The following ACKR2 variants were observed in gnomAD, a reference collection of about 807,000 sequenced individuals.
ACKR2 encodes C-C chemokine receptor D6.
For missense variants in ACKR2, 457 were observed against 477.3 expected (o/e 0.96, Z 0.40); for synonymous variants, 207 against 192.2 (o/e 1.08, Z -0.64).
At position 42,810,311 on chromosome 3, in the gene ACKR2, G is replaced by T. The variant is rs1366044; in HGVS notation, c.-119+779G>T. Reference sequence around the variant, plus strand: ...AACAAATTAACTTTTTGTTGAAATTGTTTAAAAAGACTGGGTGTATTGATA... The same window carrying T: ...AACAAATTAACTTTTTGTTGAAATTTTTTAAAAAGACTGGGTGTATTGATA... On this transcript the variant is annotated intron_variant, in intron 1 of 2. Transcript: ENST00000422265. 4.4e-3 allele frequency among the ~76,000 whole-genome samples: 665 copies of T among 152,210 alleles called. 6 individuals carry two copies. Among genetic ancestry groups the T allele is most frequent in the African/African-American group, 0.015 (625 of 41,540 alleles).
At chr3:42,864,022 T>A (rs539836378) in intron 2 of ACKR2, among the ~76,000 whole-genome samples, 7 of 152,256 alleles carry the variant, frequency 4.6e-5, no homozygotes, top group South Asian at 2.1e-4. Flanking sequence ...CAAAATTTTT[T>A]AAAAAAGCCC....
At position 42,859,231 on chromosome 3, in the gene ACKR2, C is replaced by CA. The variant is rs570663529; in HGVS notation, c.-37-5234dup. 2.4e-4 allele frequency among the ~76,000 whole-genome samples: 36 copies of CA among 152,234 alleles called. No homozygotes were observed. In the South Asian group the frequency reaches 7.1e-3, roughly 30 times the overall value. ...CCCCAAGATACATAATTTTCAGATT[C>CA]ACCAATGTTGAAATGAAGGAAAAAA... On this transcript the variant is annotated intron_variant, in intron 2 of 2. Transcript: ENST00000422265.
At chr3:42,848,176 A>C (rs1372903842) in intron 2 of ACKR2, among the ~76,000 whole-genome samples, 1 of 148,688 alleles carries the variant, frequency 6.7e-6, no homozygotes, top group Non-Finnish European at 1.5e-5. Flanking sequence ...TAATATAAAT[A>C]CTTAAGAAGA....
At position 42,852,261 on chromosome 3, in the gene ACKR2, T is replaced by A. The variant is rs1701168644; in HGVS notation, c.-37-12205T>A. On this transcript the variant is annotated intron_variant, in intron 2 of 2. Transcript: ENST00000422265. This position sits in a 1 kb window ranked among gnomAD's most constrained non-coding sequence, Gnocchi z 4.3. ...TTTCCTGGGGATAGTGGGGTTTCAT[T>A]TTCATGCTGAAATACACACGCAAGG... is the stretch of plus-strand genomic sequence containing the variant. The A allele has an allele frequency of 6.6e-6, 1 of 152,226 alleles. No individual in the cohort carries two copies. The highest frequency in any genetic ancestry group is 2.4e-5 in the African/African-American group (1 of 41,432). 9.4% of individuals were successfully genotyped at this position (152,226 alleles called of 1,614,324 possible). A position where few individuals can be genotyped will look rare whatever the true frequency, so the allele number is the denominator to read the frequency against.
At position 42,864,403 on chromosome 3, in the gene ACKR2, C is replaced by A. The variant is rs113992337; in HGVS notation, c.-37-63C>A. On this transcript the variant is annotated intron_variant, in intron 2 of 2. Transcript: ENST00000422265. ...GAGTCTATTGGACATCCCAGGGCAG[C>A]AGCAAAAGTGGGTTTAGAGAAAGGT... The A allele has an allele frequency of 1.0e-3, 1,480 of 1,439,746 alleles. 32 individuals are homozygous for A. In the East Asian group the frequency reaches 0.03, roughly 29 times the overall value. The allele number at this position is 1,439,746 out of a possible 1,614,324, so 89.2% of individuals were successfully genotyped here.
chr3:42,858,573 A>T (rs1292452111), intron 2 of ACKR2, among the ~76,000 whole-genome samples: 1 of 152,170 alleles, frequency 6.6e-6, no homozygotes, highest in Non-Finnish European at 1.5e-5. Flanking sequence ...AGGAAAAACC[A>T]GTGCAAAAAG....
chr3:42,836,854 T>C (rs1249428424), intron 2 of ACKR2, among the ~76,000 whole-genome samples: 1 of 152,218 alleles, frequency 6.6e-6, no homozygotes, highest in Non-Finnish European at 1.5e-5. Context: ...TACTGACTGC[T>C]GGACTCTTAA....
intron 2 of ACKR2, among the ~76,000 whole-genome samples, chr3:42,833,148 GC>G (rs1700947778): frequency 1.3e-5 from 2 of 152,316 alleles, no homozygotes; most frequent in African/African-American, 4.8e-5. Context: ...ACAGGCATGA[GC>G]TACTGTGCTT....
At chr3:42,831,807 G>C (rs994740307) in intron 2 of ACKR2, among the ~76,000 whole-genome samples, 2 of 152,104 alleles carry the variant, frequency 1.3e-5, no homozygotes, top group African/African-American at 2.4e-5. Context: ...AACTTTCCCT[G>C]TTCAACTTAC....
intron 2 of ACKR2, among the ~76,000 whole-genome samples, chr3:42,849,697 G>A (rs115443790): frequency 0.012 from 1,898 of 152,258 alleles, 18 homozygotes; most frequent in Non-Finnish European, 0.021. Context: ...ACAGCTTGGC[G>A]TTTGCCTTAT....
chr3:42,857,914 G>A (rs774329922), intron 2 of ACKR2, among the ~76,000 whole-genome samples: 6 of 152,196 alleles, frequency 3.9e-5, no homozygotes, highest in Admixed American at 2.0e-4. Context: ...TGGGAAGTTC[G>A]AACTGGGCAG....
At chr3:42,837,484 A>C (rs1331593906) in intron 2 of ACKR2, among the ~76,000 whole-genome samples, 2 of 152,042 alleles carry the variant, frequency 1.3e-5, no homozygotes, top group African/African-American at 4.8e-5. Context: ...AGCCTCCCAA[A>C]GTGTTGGGAT....
chr3:42,839,183 C>G (rs79713029), intron 2 of ACKR2: 14 of 152,038 alleles, frequency 9.2e-5, no homozygotes, highest in Non-Finnish European at 1.0e-4. Flanking sequence ...TCATCCTGGA[C>G]GCACCTGCCC....
At chr3:42,846,866 T>A (rs917698983) in intron 2 of ACKR2, among the ~76,000 whole-genome samples, 6 of 152,306 alleles carry the variant, frequency 3.9e-5, no homozygotes, top group African/African-American at 1.2e-4. Flanking sequence ...AAGCAATAAT[T>A]CTGTCCTGGA....
chr3:42,860,164 CAAA>C (rs565028940), intron 2 of ACKR2, among the ~76,000 whole-genome samples: 1 of 8,050 alleles, frequency 1.2e-4, no homozygotes, highest in African/African-American at 3.2e-4. Flanking sequence ...AAATGGAAAG[CAAA>C]AAAAAAAAAA....
At position 42,864,500 on chromosome 3, in the gene ACKR2, A is replaced by C. The variant is rs1197642511; in HGVS notation, c.-3A>C. ...ACGTCGGGACTGGGCATTTCCTTCC[A>C]ACATGGCCGCCACTGCCTCTCCGCA... On this transcript the variant is annotated 5_prime_UTR_variant, in exon 3 of 3. Transcript: ENST00000422265. 1.3e-6 allele frequency: 2 copies of C among 1,590,396 alleles called. No individual in the cohort carries two copies. Among genetic ancestry groups the C allele is most frequent in the South Asian group, 2.3e-5 (2 of 86,910 alleles).
rs765621123 is a variant in ACKR2, at chr3:42,864,988, G to A, written c.486G>A (p.Leu162=). ...GGCTGAGGACCCGGGCCAAGAGCCT[G>A]CTCCTTGCTACCATAGTATGGGCTG... ...YHRLRTRAKS[L]LLATIVWAVS... Residue 162 remains leucine, a synonymous_variant, in exon 3 of 3, where the codon CTG becomes CTA. Coordinates refer to ENST00000422265, the MANE Select transcript of ACKR2 (RefSeq NM_001296.5). The A allele has an allele frequency of 6.2e-7, 1 of 1,614,154 alleles. No individual in the cohort carries two copies. The highest frequency in any genetic ancestry group is 8.5e-7 in the Non-Finnish European group (1 of 1,180,026).
intron 1 of ACKR2, among the ~76,000 whole-genome samples, chr3:42,810,247 T>C (rs1164326410): frequency 1.3e-5 from 2 of 152,040 alleles, no homozygotes; most frequent in Admixed American, 1.3e-4. Flanking sequence ...GTTGGTAATG[T>C]GATTGGAATG....
chr3:42,846,258 G>T (rs1349237753), intron 2 of ACKR2, among the ~76,000 whole-genome samples: 1 of 152,196 alleles, frequency 6.6e-6, no homozygotes, highest in Non-Finnish European at 1.5e-5. Context: ...TGGACAGATG[G>T]GGTGATAAAG....
Sources: allele counts gnomAD v4.1 joint callset (sites outside exome capture counted in the v4.1 genomes callset), GRCh38; gene constraint gnomAD v4.1.1; non-coding constraint Gnocchi (gnomAD v3.1); transcripts MANE v1.5; gene names NCBI Gene and HGNC (gene_info 2026-07-23, HGNC 2026-07-21).